Variants in ASB4 observed in about 807,000 individuals in gnomAD.
ASB4 encodes ankyrin repeat and SOCS box protein 4.
A neutral mutation model predicts 38.6 loss-of-function variants in ASB4; 35 were observed. The ratio of observed to expected loss-of-function variants is 0.91; its 90% CI spans 0.69 to 1.20. ASB4 has a LOEUF of 1.20. Ranked by LOEUF, ASB4 falls within the 50% of genes most tolerant of loss-of-function variation. The pLI, the probability that ASB4 is intolerant of heterozygous loss-of-function variation, is 0.00. For missense variants in ASB4, 557 were observed against 527.2 expected, an observed-to-expected ratio of 1.06 and a Z score of -0.55; for synonymous variants, 195 against 201.3, an observed-to-expected ratio of 0.97 and a Z score of 0.26.
intron 1 of ASB4, among the ~76,000 whole-genome samples, chr7:95,480,155 G>C (rs1362141199): frequency 2.0e-5 from 3 of 152,112 alleles, no homozygotes; most frequent in African/African-American, 4.8e-5. Context: ...TCTATACAAG[G>C]GTGGCTTATG....
intron 1 of ASB4, among the ~76,000 whole-genome samples, chr7:95,493,380 G>A (rs989316819): frequency 1.5e-5 from 2 of 129,392 alleles, no homozygotes; most frequent in African/African-American, 2.9e-5. Context: ...GTGTGTGTGT[G>A]TGTGTGTGTG....
chr7:95,524,291 A>G (rs1314198775), intron 2 of ASB4, among the ~76,000 whole-genome samples: 2 of 152,246 alleles, frequency 1.3e-5, no homozygotes, highest in Non-Finnish European at 2.9e-5. Context: ...CAGACATAAT[A>G]AAATGAACAA....
At chr7:95,508,159 AG>A (rs1022325039) in intron 2 of ASB4, among the ~76,000 whole-genome samples, 3 of 152,172 alleles carry the variant, frequency 2.0e-5, no homozygotes, top group African/African-American at 7.2e-5. Context: ...AGAAGACAGT[AG>A]GGATAATTTT....
At chr7:95,488,330 G>T (rs1790121732) in intron 1 of ASB4, among the ~76,000 whole-genome samples, 1 of 148,238 alleles carries the variant, frequency 6.7e-6, no homozygotes, top group Non-Finnish European at 1.5e-5. Flanking sequence ...GACACAGGGA[G>T]ACTCCGTCTC....
Position 95,528,124 on chromosome 7 carries a change from C to T in ASB4, c.799C>T (p.Leu267Phe). The change falls in exon 3 of 5, where the codon CTC (leucine) becomes TTC (phenylalanine). Residue 267 changes from leucine (L) to phenylalanine (F), a missense_variant. Transcript: ENST00000325885. ...GGCAGCCTGGAACTGTGACCACGTG[C>T]TCATGCACATGATGCTGGAAGCTGG... ...HKAAWNCDHV[L>F]MHMMLEAGAE... 1 of 1,614,226 alleles carries T rather than the reference C, an allele frequency of 6.2e-7. No individual in the cohort carries two copies. The highest frequency in any genetic ancestry group is 8.5e-7 in the Non-Finnish European group (1 of 1,180,048).
chr7:95,521,528 A>G (rs1790661676), intron 2 of ASB4, among the ~76,000 whole-genome samples: 1 of 152,100 alleles, frequency 6.6e-6, no homozygotes, highest in Non-Finnish European at 1.5e-5. Context: ...ATGTTCATAC[A>G]TTACTTCCCA....
chr7:95,493,361 A>AGT (rs199528876), intron 1 of ASB4, among the ~76,000 whole-genome samples: 5,730 of 120,756 alleles, frequency 0.047, 126 homozygotes, highest in African/African-American at 0.06. Flanking sequence ...AAGAGATGAA[A>AGT]GTGTGTGTGT....
At chr7:95,510,664 A>G (rs919993752) in intron 2 of ASB4, among the ~76,000 whole-genome samples, 4 of 152,302 alleles carry the variant, frequency 2.6e-5, no homozygotes, top group East Asian at 1.9e-4. Flanking sequence ...GTGATTCCCA[A>G]GTGCTTCAGA....
chr7:95,545,869 A>G, the ASB4 span, among the ~76,000 whole-genome samples: 2 of 152,232 alleles, frequency 1.3e-5, no homozygotes, highest in Admixed American at 1.3e-4. Context: ...GAGAAGCCTA[A>G]TCATGCCATC....
chr7:95,551,101 C>T, the ASB4 span, among the ~76,000 whole-genome samples: 2 of 152,180 alleles, frequency 1.3e-5, no homozygotes, highest in African/African-American at 4.8e-5. Flanking sequence ...CTGCCTCAGC[C>T]TCCCGAATAG....
At chr7:95,533,892 A>G (rs191701909) in intron 3 of ASB4, among the ~76,000 whole-genome samples, 290 of 152,314 alleles carry the variant, frequency 1.9e-3, no homozygotes, top group Non-Finnish European at 3.5e-3. Context: ...CGTGCCTATT[A>G]GGATTTCTGA....
chr7:95,537,315 C>T (rs1455988170), intron 4 of ASB4, among the ~76,000 whole-genome samples: 2 of 152,284 alleles, frequency 1.3e-5, no homozygotes, highest in African/African-American at 2.4e-5. Context: ...GGTTTAGATT[C>T]ATCCAGGCAC....
At chr7:95,544,072 C>T (rs1791003847), downstream of ASB4, 1 of 152,084 alleles carries the variant, frequency 6.6e-6, no homozygotes, top group African/African-American at 2.4e-5. Context: ...TTAACCCTCC[C>T]TTCTCATGTA....
At chr7:95,511,463 G>A (rs957010363) in intron 2 of ASB4, among the ~76,000 whole-genome samples, 3 of 152,080 alleles carry the variant, frequency 2.0e-5, no homozygotes, top group Non-Finnish European at 2.9e-5. Flanking sequence ...AAGCATAGTT[G>A]AATTAACCTG....
At chr7:95,508,818 G>A (rs1585805896) in intron 2 of ASB4, among the ~76,000 whole-genome samples, 1 of 152,190 alleles carries the variant, frequency 6.6e-6, no homozygotes, top group Non-Finnish European at 1.5e-5. Flanking sequence ...ACATTTAATG[G>A]ACAAAGAGAA....
In ASB4 at chr7:95,517,719, G is replaced by A. The variant is rs139944279; in HGVS notation, c.488-10094G>A. Among the ~76,000 whole-genome samples the A allele has an allele frequency of 7.7e-4, 117 of 152,210 alleles. No individual in the cohort carries two copies. In the East Asian group the frequency reaches 0.011, roughly 14 times the overall value. ...CAATTACAGGCCACTAGTGATCTTC[G>A]TCTGAGCAGTTCCAGTGGAGTGTGG... On this transcript the variant is annotated intron_variant, in intron 2 of 4. Coordinates refer to ENST00000325885, the MANE Select transcript of ASB4 (RefSeq NM_016116.3).
intron 2 of ASB4, among the ~76,000 whole-genome samples, chr7:95,512,349 T>C (rs543664913): frequency 6.6e-6 from 1 of 152,348 alleles, no homozygotes; most frequent in South Asian, 2.1e-4. Flanking sequence ...AAGTTGATTC[T>C]AGGGAACTCC....
chr7:95,537,838 G>A lies in ASB4; in HGVS notation c.*79G>A. 1 of 1,258,886 alleles carries A rather than the reference G, an allele frequency of 7.9e-7. No homozygotes were observed. The highest frequency in any genetic ancestry group is 1.4e-5 in the South Asian group (1 of 69,734). The allele number at this position is 1,258,886 out of a possible 1,614,324, so 78.0% of individuals were successfully genotyped here. A position where few individuals can be genotyped will look rare whatever the true frequency, so the allele number is the denominator to read the frequency against. On this transcript the variant is annotated 3_prime_UTR_variant, in exon 5 of 5. Transcript: ENST00000325885. ...AGACACAGTTTGCCTAAATAAAATG[G>A]TACTTGGGTTGATTATAACACTTCA...
intron 2 of ASB4, among the ~76,000 whole-genome samples, chr7:95,527,189 G>A (rs1424032789): frequency 6.6e-6 from 1 of 152,062 alleles, no homozygotes; most frequent in African/African-American, 2.4e-5. Context: ...GTGTGTGCAT[G>A]TGTATGTGTG....
Sources: allele counts gnomAD v4.1 joint callset (sites outside exome capture counted in the v4.1 genomes callset), GRCh38; gene constraint gnomAD v4.1.1; transcripts MANE v1.5; gene names NCBI Gene and HGNC (gene_info 2026-07-23, HGNC 2026-07-21).